OSBPL9: variants seen among roughly 807,000 people sequenced by gnomAD.
OSBPL9 encodes the protein oxysterol-binding protein-related protein 9.
OSBPL9 carries 40 observed loss-of-function variants against 106.6 expected under a neutral mutation model. The ratio of observed to expected loss-of-function variants is 0.38; its 90% CI spans 0.29 to 0.49. The LOEUF is 0.49. Ranked by LOEUF, OSBPL9 falls within the 20% of genes least tolerant of loss-of-function variation. The pLI is 0.97. For synonymous variants in OSBPL9, 269 were observed against 295.4 expected (o/e 0.91, Z 0.92); for missense variants, 609 against 887.2 (o/e 0.69, Z 3.98).
At position 51,776,596 on chromosome 1, in the gene OSBPL9, G is replaced by T. The variant is rs547139681; in HGVS notation, c.1171-237G>T. Among the ~76,000 whole-genome samples the T allele has an allele frequency of 7.2e-4, 109 of 152,300 alleles. 1 individual carries two copies. The highest frequency in any genetic ancestry group is 1.0e-3 in the Admixed American group (16 of 15,302). ...AGAAAAAGGAAGTTTCACAGAGGAAGTGACATTTGAACATTCAAAAGTCTT... is the reference window on the plus strand; with the variant it reads ...AGAAAAAGGAAGTTTCACAGAGGAATTGACATTTGAACATTCAAAAGTCTT... On this transcript the variant is annotated intron_variant, in intron 14 of 23. Coordinates refer to ENST00000428468, the MANE Select transcript of OSBPL9 (RefSeq NM_024586.6).
At chr1:51,591,528 C>T (rs1645275386) in intron 1 of OSBPL9, among the ~76,000 whole-genome samples, 1 of 152,146 alleles carries the variant, frequency 6.6e-6, no homozygotes, top group Non-Finnish European at 1.5e-5. Context: ...GGTATCTTGC[C>T]GGGCACAGTG....
the OSBPL9 span, among the ~76,000 whole-genome samples, chr1:51,558,937 T>G: frequency 6.6e-6 from 1 of 152,142 alleles, no homozygotes; most frequent in Non-Finnish European, 1.5e-5. Context: ...CTTTGTTCTC[T>G]ACCATCTCCT....
chr1:51,640,005 T>A (rs964649525), intron 1 of OSBPL9, among the ~76,000 whole-genome samples: 7 of 151,676 alleles, frequency 4.6e-5, no homozygotes, highest in African/African-American at 1.2e-4. Context: ...TATTTTTTTT[T>A]AATTTTAGTA....
At chr1:51,752,082 C>T (rs1255640689) in intron 8 of OSBPL9, among the ~76,000 whole-genome samples, 4 of 152,070 alleles carry the variant, frequency 2.6e-5, no homozygotes, top group Non-Finnish European at 5.9e-5. Flanking sequence ...TGTCACTTGC[C>T]TGCTCAAATA....
chr1:51,620,944 G>T (rs1047842579), intron 1 of OSBPL9, among the ~76,000 whole-genome samples: 2 of 152,134 alleles, frequency 1.3e-5, no homozygotes, highest in African/African-American at 4.8e-5. Context: ...GCTGAGGCTG[G>T]CCTCGAACTT....
chr1:51,612,357 G>A (rs1254246835), upstream of OSBPL9, among the ~76,000 whole-genome samples: 1 of 152,146 alleles, frequency 6.6e-6, no homozygotes, highest in Non-Finnish European at 1.5e-5. Context: ...GGATGAATCT[G>A]TCCCAGCTCC....
chr1:51,575,677 A>C (rs887758059), upstream of OSBPL9, among the ~76,000 whole-genome samples: 4 of 152,146 alleles, frequency 2.6e-5, no homozygotes, highest in African/African-American at 9.7e-5. Flanking sequence ...CTTTTGAAAG[A>C]GTTAAGAACA....
intron 3 of OSBPL9, among the ~76,000 whole-genome samples, chr1:51,700,819 T>C (rs1657061252): frequency 6.6e-6 from 1 of 152,218 alleles, no homozygotes; most frequent in Non-Finnish European, 1.5e-5. Context: ...CAATTTCCTG[T>C]TTCTTCTCAC....
intron 4 of OSBPL9, among the ~76,000 whole-genome samples, chr1:51,737,670 C>CAT (rs1438428376): frequency 6.6e-6 from 1 of 151,548 alleles, no homozygotes; most frequent in Non-Finnish European, 1.5e-5. Context: ...ACTTATCTAG[C>CAT]ATAAGGTAAG....
intron 3 of OSBPL9, among the ~76,000 whole-genome samples, chr1:51,693,068 A>G (rs921170218): frequency 1.3e-5 from 2 of 152,134 alleles, no homozygotes; most frequent in East Asian, 3.9e-4. Context: ...AGAAAATGTC[A>G]GGCTCTGAAA....
chr1:51,523,338 C>T, the OSBPL9 span, among the ~76,000 whole-genome samples: 1 of 151,732 alleles, frequency 6.6e-6, no homozygotes, highest in Non-Finnish European at 1.5e-5. Context: ...AACTCCTGGG[C>T]TCAAGTCATC....
At chr1:51,590,619 C>CAAAAAAAA (rs572208174) in intron 1 of OSBPL9, among the ~76,000 whole-genome samples, 2 of 53,142 alleles carry the variant, frequency 3.8e-5, no homozygotes, top group Non-Finnish European at 7.6e-5. Context: ...GACTCCGTCT[C>CAAAAAAAA]AAAAAAAAAA....
intron 1 of OSBPL9, among the ~76,000 whole-genome samples, chr1:51,586,924 T>C (rs1333079626): frequency 6.6e-6 from 1 of 152,154 alleles, no homozygotes; most frequent in East Asian, 1.9e-4. Context: ...CTGGTCACAG[T>C]TTTCCTCTCT....
chr1:51,757,946 C>T (rs368960161), intron 9 of OSBPL9, among the ~76,000 whole-genome samples: 6 of 152,034 alleles, frequency 3.9e-5, no homozygotes, highest in African/African-American at 1.4e-4. Context: ...CATTGTATTA[C>T]GTGGGTTTCA....
chr1:51,771,990 C>G, intron 12 of OSBPL9, 80 bp from the exon 13 acceptor site: 1 of 992,994 alleles, frequency 1.0e-6, no homozygotes. Context: ...TGCATGTAAC[C>G]AGCTAACTGT....
chr1:51,592,740 C>T (rs1645283166), intron 1 of OSBPL9, among the ~76,000 whole-genome samples: 1 of 152,168 alleles, frequency 6.6e-6, no homozygotes, highest in Admixed American at 6.5e-5. Context: ...GGGCTTGAAG[C>T]CTCTCTTTTC....
At chr1:51,747,553 C>CTTTTT (rs746109312) in intron 6 of OSBPL9, among the ~76,000 whole-genome samples, 15 of 42,368 alleles carry the variant, frequency 3.5e-4, no homozygotes, top group Non-Finnish European at 5.3e-4. Flanking sequence ...CTCTCCTTGG[C>CTTTTT]TTTTTTTTTT....
At chr1:51,603,242 G>C (rs1645332497) in intron 2 of OSBPL9, among the ~76,000 whole-genome samples, 1 of 152,196 alleles carries the variant, frequency 6.6e-6, no homozygotes, top group Admixed American at 6.5e-5. Flanking sequence ...ATAAGATAAA[G>C]TTCCTGCTTT....
At chr1:51,740,043 A>G (rs1666551755) in intron 4 of OSBPL9, 3 of 1,430,394 alleles carry the variant, frequency 2.1e-6, no homozygotes, top group Non-Finnish European at 2.9e-6. Context: ...TCCTCTGTGT[A>G]GTTACAGATT....
Sources: gnomAD v4.1 joint callset for allele counts (sites outside exome capture counted in the v4.1 genomes callset) on GRCh38, gnomAD v4.1.1 for gene constraint, MANE v1.5 for transcripts, NCBI Gene and HGNC (gene_info 2026-07-23, HGNC 2026-07-21) for gene names.